ANO3: variants seen among roughly 807,000 people sequenced by gnomAD.
The protein encoded by ANO3 is anoctamin-3.
ANO3 carries 99 observed loss-of-function variants against 144.8 expected under a neutral mutation model. The observed-to-expected ratio is 0.68, with a 90% confidence interval of 0.58 to 0.81. ANO3 has a LOEUF of 0.81. ANO3 is among the 30% of genes least tolerant of loss of function. ANO3 has a pLI of 0.00. For synonymous variants in ANO3, 414 were observed against 392.6 expected (o/e 1.05, Z -0.64); for missense variants, 905 against 1,202.2 (o/e 0.75, Z 3.66).
chr11:26,581,928 A>G (rs1454212260), intron 14 of ANO3, among the ~76,000 whole-genome samples: 2 of 152,216 alleles, frequency 1.3e-5, no homozygotes, highest in Non-Finnish European at 2.9e-5. Flanking sequence ...CTAGAGTGTT[A>G]AGAAAATTGG....
chr11:26,640,816 T>G (rs1853124205), intron 21 of ANO3, among the ~76,000 whole-genome samples: 1 of 152,160 alleles, frequency 6.6e-6, no homozygotes, highest in South Asian at 2.1e-4. Flanking sequence ...AAAACTCTTG[T>G]AAACCACAAT....
At chr11:26,422,436 G>T (rs991513978) in intron 1 of ANO3, among the ~76,000 whole-genome samples, 4 of 151,920 alleles carry the variant, frequency 2.6e-5, no homozygotes, top group African/African-American at 4.8e-5. Flanking sequence ...TACATGTCTT[G>T]GACCTTCATG....
intron 1 of ANO3, among the ~76,000 whole-genome samples, chr11:26,408,327 C>T (rs2133982744): frequency 6.6e-6 from 1 of 151,890 alleles, no homozygotes; most frequent in Non-Finnish European, 1.5e-5. Flanking sequence ...TATGAACAGA[C>T]ACTTCTCAAA....
At chr11:26,204,733 G>A (rs1402267731) in intron 1 of ANO3, among the ~76,000 whole-genome samples, 1 of 152,058 alleles carries the variant, frequency 6.6e-6, no homozygotes. Context: ...TTTTCTTATA[G>A]CAGTTCTTAT....
At chr11:26,559,068 C>T (rs948069423) in intron 13 of ANO3, 1 of 152,104 alleles carries the variant, frequency 6.6e-6, no homozygotes, top group Non-Finnish European at 1.5e-5. Context: ...TCAAACAATA[C>T]AAGCCTTAAA....
At chr11:26,418,729 GTC>G (rs60306274) in intron 1 of ANO3, among the ~76,000 whole-genome samples, 11 of 150,402 alleles carry the variant, frequency 7.3e-5, no homozygotes, top group Non-Finnish European at 8.9e-5. Flanking sequence ...CACACACACT[GTC>G]TCTCTCTCTC....
At chr11:26,205,729 T>A (rs563249291) in intron 1 of ANO3, among the ~76,000 whole-genome samples, 1 of 152,294 alleles carries the variant, frequency 6.6e-6, no homozygotes, top group African/African-American at 2.4e-5. Flanking sequence ...GTATACTGTA[T>A]AGTCATATTT....
rs150380331 is a variant in ANO3, at chr11:26,440,077, C to T, written c.47-1841C>T. ...GTCCAAACACAACACTGGGTGTGGG[C>T]GGAGGGCGGGGGTGGTTCATGGTTT... On this transcript the variant is annotated intron_variant, in intron 1 of 26. Coordinates refer to ENST00000256737, the MANE Select transcript of ANO3 (RefSeq NM_031418.4). Among the ~76,000 whole-genome samples the T allele has an allele frequency of 8.5e-5, 13 of 152,078 alleles. No individual in the cohort carries two copies. The East Asian group carries it at 1.4e-3, about 16-fold the overall frequency.
At chr11:26,429,395 A>G (rs904567428) in intron 1 of ANO3, among the ~76,000 whole-genome samples, 1 of 152,108 alleles carries the variant, frequency 6.6e-6, no homozygotes, top group African/African-American at 2.4e-5. Context: ...TAAGGACATT[A>G]TAAAATATAT....
At chr11:26,302,471 G>A (rs1459721435) in intron 1 of ANO3, among the ~76,000 whole-genome samples, 1 of 152,142 alleles carries the variant, frequency 6.6e-6, no homozygotes, top group Non-Finnish European at 1.5e-5. Flanking sequence ...CTTCAGCCTG[G>A]CAACAGAGTG....
chr11:26,370,266 G>T (rs773181238), intron 1 of ANO3, among the ~76,000 whole-genome samples: 44 of 152,202 alleles, frequency 2.9e-4, no homozygotes, highest in Middle Eastern at 3.4e-3. Context: ...TTTCGCCTTC[G>T]CTCAGCTCTC....
intron 18 of ANO3, among the ~76,000 whole-genome samples, chr11:26,632,927 A>G (rs1852832970): frequency 6.6e-6 from 1 of 152,216 alleles, no homozygotes; most frequent in Non-Finnish European, 1.5e-5. Flanking sequence ...AAAGCATGAC[A>G]TGTCAAAACC....
intron 1 of ANO3, among the ~76,000 whole-genome samples, chr11:26,416,436 C>CT (rs1181226745): frequency 3.8e-4 from 56 of 149,166 alleles, no homozygotes; most frequent in Admixed American, 6.0e-4. Context: ...TTCTTTCTTT[C>CT]TTTTTTTTTG....
intron 1 of ANO3, among the ~76,000 whole-genome samples, chr11:26,359,876 A>AGTGTGT (rs142194688): frequency 0.19 from 28,908 of 149,302 alleles, 3,240 homozygotes; most frequent in African/African-American, 0.31. Flanking sequence ...ATGTCAGACT[A>AGTGTGT]GTGTGTGTGT....
intron 1 of ANO3, among the ~76,000 whole-genome samples, chr11:26,399,047 C>T (rs1857085012): frequency 6.6e-6 from 1 of 151,886 alleles, no homozygotes; most frequent in African/African-American, 2.4e-5. Flanking sequence ...TTGTACACCT[C>T]TTCAGCTTGG....
At chr11:26,563,039 G>A in intron 14 of ANO3, 1 of 1,544,726 alleles carries the variant, frequency 6.5e-7, no homozygotes. Context: ...TTACCTTCTA[G>A]GCAATGCAGT....
chr11:26,638,447 C>T (rs1022413087), intron 20 of ANO3, among the ~76,000 whole-genome samples: 8 of 152,130 alleles, frequency 5.3e-5, no homozygotes, highest in African/African-American at 1.7e-4. Flanking sequence ...GGTACACATC[C>T]GGCAATCTTC....
intron 4 of ANO3, chr11:26,473,975 A>T: frequency 1.0e-6 from 1 of 985,198 alleles, no homozygotes; most frequent in Non-Finnish European, 1.2e-6. Flanking sequence ...TGTAGCACTC[A>T]GTATGTAACA....
At chr11:26,565,349 G>A (rs765452995) in intron 14 of ANO3, 49 of 1,612,520 alleles carry the variant, frequency 3.0e-5, no homozygotes, top group Non-Finnish European at 2.4e-5. Flanking sequence ...CTGAAGAGAG[G>A]ATGCTAACTG....
Sources: allele counts gnomAD v4.1 joint callset (sites outside exome capture counted in the v4.1 genomes callset), GRCh38; gene constraint gnomAD v4.1.1; transcripts MANE v1.5; gene names NCBI Gene and HGNC (gene_info 2026-07-23, HGNC 2026-07-21).